Variants in SCGB1A1 observed in about 807,000 individuals in gnomAD.
SCGB1A1 encodes secretoglobin family 1A member 1.
A neutral mutation model predicts 7.5 loss-of-function variants in SCGB1A1; 8 were observed. The observed-to-expected ratio is 1.07, with a 90% CI of 0.63 to 1.92. The LOEUF (loss-of-function observed/expected upper bound fraction) is 1.92. Ranked by LOEUF, SCGB1A1 falls within the 30% of genes most tolerant of loss-of-function variation. The probability of loss-of-function intolerance (pLI) is 0.00; values close to 1 mark genes in which losing one functional copy is unlikely to be tolerated. For missense variants in SCGB1A1, 121 were observed against 112.7 expected, an observed-to-expected ratio of 1.07 and a Z score of -0.33; for synonymous variants, 44 against 40.8, an observed-to-expected ratio of 1.08 and a Z score of -0.30.
Position 62,423,131 on chromosome 11 carries a change from C to A in SCGB1A1, c.*40C>A. The A allele has an allele frequency of 1.2e-6, 2 of 1,603,788 alleles. No homozygotes were observed. Among genetic ancestry groups the A allele is most frequent in the South Asian group, 1.1e-5 (1 of 90,848 alleles). ...AGATCCCCAACTGCTCCAGCCTCTG[C>A]CGCTGCCATGCTTTGAGTCCACGCC... On this transcript the variant is annotated 3_prime_UTR_variant, in exon 3 of 3. Transcript: ENST00000278282.
At chr11:62,422,144 T>G (rs1345660405) in intron 1 of SCGB1A1, 77 bp from the exon 2 acceptor site, 25 of 1,294,914 alleles carry the variant, frequency 1.9e-5, no homozygotes, top group Non-Finnish European at 2.1e-5. Context: ...TGTTTGCATC[T>G]GGGCAGACCC....
At position 62,422,080 on chromosome 11, in the gene SCGB1A1, T is replaced by G. The variant is rs544090092; in HGVS notation, c.56-141T>G. 3.7e-5 allele frequency: 22 copies of G among 597,868 alleles called. No homozygotes were observed. The African/African-American group carries it at 3.9e-4, about 11-fold the overall frequency. The allele number at this position is 597,868 out of a possible 1,614,324, so 37.0% of individuals were successfully genotyped here. A position where few individuals can be genotyped will look rare whatever the true frequency, so the allele number is the denominator to read the frequency against. ...GGAAGACTCGGGCAATCCACAAATC[T>G]TACACTCTAGTCCATCGATGAAAAG... On this transcript the variant is annotated intron_variant, in intron 1 of 2. Coordinates refer to ENST00000278282, the MANE Select transcript of SCGB1A1 (RefSeq NM_003357.5).
chr11:62,419,910 A>T (rs1406025902), intron 1 of SCGB1A1, among the ~76,000 whole-genome samples: 16 of 152,208 alleles, frequency 1.1e-4, no homozygotes, highest in African/African-American at 7.2e-5. Context: ...ACTCTGCGTC[A>T]GCCTCTTCCA....
At chr11:62,419,276 C>A in intron 1 of SCGB1A1, 126 bp downstream of exon 1, 1 of 733,430 alleles carries the variant, frequency 1.4e-6, no homozygotes, top group Non-Finnish European at 1.9e-6. Context: ...CCTGGGCATG[C>A]TGAGTCTCAG....
At position 62,423,040 on chromosome 11, in the gene SCGB1A1, C is replaced by A. The variant is rs376718774; in HGVS notation, c.244-19C>A. Reference sequence around the variant, plus strand: ...ACTGTTGTATTGGGTTTTTCTGTTTCTTTGTCTATTTGTTTTAGGAAAAAA... The same window carrying A: ...ACTGTTGTATTGGGTTTTTCTGTTTATTTGTCTATTTGTTTTAGGAAAAAA... On this transcript the variant is annotated intron_variant, in intron 2 of 2. Coordinates refer to ENST00000278282, the MANE Select transcript of SCGB1A1 (RefSeq NM_003357.5). The A allele has an allele frequency of 4.3e-6, 7 of 1,612,562 alleles. No homozygotes were observed. Among genetic ancestry groups the A allele is most frequent in the Non-Finnish European group, 5.9e-6 (7 of 1,178,764 alleles).
rs775895107 is a variant in SCGB1A1 at position 62,422,370 on chromosome 11, CT to C, written c.206del (p.Leu69ProfsTer16). 1 of 1,613,920 alleles carries C rather than the reference CT, an allele frequency of 6.2e-7. No homozygotes were observed. The highest frequency in any genetic ancestry group is 1.1e-5 in the South Asian group (1 of 91,030). ...GAQLKKLVDT[L>X]PQKPRESIIK... ...TCAGCTGAAGAAGCTGGTGGACACC[CT>C]CCCCCAAAAGCCCAGAGAAAGCATC... On this transcript the variant is annotated frameshift_variant, in exon 2 of 3. Transcript: ENST00000278282. LOFTEE classifies it low-confidence loss of function (END_TRUNC).
At chr11:62,422,528 C>T in intron 2 of SCGB1A1, 120 bp downstream of exon 2, 1 of 761,332 alleles carries the variant, frequency 1.3e-6, no homozygotes, top group South Asian at 2.1e-5. Flanking sequence ...TGCCACTGTC[C>T]CCAGGCAGGC....
At position 62,419,081 on chromosome 11, in the gene SCGB1A1, TC is replaced by T; in HGVS notation, c.-10del. The T allele has an allele frequency of 1.3e-6, 2 of 1,581,642 alleles. No individual in the cohort carries two copies. Among genetic ancestry groups the T allele is most frequent in the Admixed American group, 1.7e-5 (1 of 57,686 alleles). On this transcript the variant is annotated 5_prime_UTR_variant, in exon 1 of 3. Coordinates refer to ENST00000278282, the MANE Select transcript of SCGB1A1 (RefSeq NM_003357.5). ...ACGGAACCAGAGACGGGCCAGAGCA[TC>T]CCCCTCCTCCACCATGAAACTCGCT...
At chr11:62,420,686 G>A (rs895144086) in intron 1 of SCGB1A1, among the ~76,000 whole-genome samples, 1 of 150,652 alleles carries the variant, frequency 6.6e-6, no homozygotes, top group Non-Finnish European at 1.5e-5. Context: ...TGTAATCCCA[G>A]CAATTTGGGA....
chr11:62,419,502 A>G (rs1346285450), intron 1 of SCGB1A1, among the ~76,000 whole-genome samples: 1 of 152,218 alleles, frequency 6.6e-6, no homozygotes, highest in Non-Finnish European at 1.5e-5. Flanking sequence ...ACAGACTCCA[A>G]GATGCTGAGA....
chr11:62,422,761 A>T (rs886942780), intron 2 of SCGB1A1, among the ~76,000 whole-genome samples: 15 of 151,908 alleles, frequency 9.9e-5, no homozygotes, highest in Admixed American at 9.8e-4. Context: ...TTTTGTAGAG[A>T]TGGGGTTTCA....
intron 2 of SCGB1A1, among the ~76,000 whole-genome samples, chr11:62,422,793 C>G (rs1268958079): frequency 1.3e-5 from 2 of 152,068 alleles, no homozygotes; most frequent in South Asian, 2.1e-4. Flanking sequence ...AGGCTGGTCT[C>G]GAACTCCTGA....
intron 2 of SCGB1A1, among the ~76,000 whole-genome samples, chr11:62,422,732 G>A (rs1937832520): frequency 6.6e-6 from 1 of 152,048 alleles, no homozygotes; most frequent in African/African-American, 2.4e-5. Flanking sequence ...CCACCATCAT[G>A]CCGAGCTAAT....
chr11:62,421,573 G>A (rs1171188978), intron 1 of SCGB1A1, among the ~76,000 whole-genome samples: 5 of 151,788 alleles, frequency 3.3e-5, no homozygotes. Context: ...GTGCAGTGAC[G>A]AGATCTCAGC....
At chr11:62,423,032 TTC>T (rs749650600) in intron 2 of SCGB1A1, 25 bp from the exon 3 acceptor site, 4 of 1,610,824 alleles carry the variant, frequency 2.5e-6, no homozygotes, top group Non-Finnish European at 3.4e-6. Flanking sequence ...TATTGGGTTT[TTC>T]TGTTTCTTTG....
At position 62,422,237 on chromosome 11, in the gene SCGB1A1, C is replaced by A. The variant is rs765904587; in HGVS notation, c.72C>A (p.Cys24Ter). ...GTGTTGCAGCTTCTGCAGAGATCTGCCCGAGCTTTCAGCGTGTCATCGAAA... is the reference window on the plus strand; with the variant it reads ...GTGTTGCAGCTTCTGCAGAGATCTGACCGAGCTTTCAGCGTGTCATCGAAA... Reference protein sequence around the residue: ...LCCSSASAEICPSFQRVIETL... With the variant: ...LCCSSASAEI Residue 24 changes from cysteine to a stop codon, truncating the protein, a stop_gained, in exon 2 of 3, where the codon TGC becomes TGA. Transcript: ENST00000278282. LOFTEE classifies it high-confidence loss of function. 9.3e-6 allele frequency: 15 copies of A among 1,612,132 alleles called. No homozygotes were observed. In the African/African-American group the frequency reaches 1.1e-4, roughly 11 times the overall value.
At chr11:62,419,389 A>G (rs1937722843) in intron 1 of SCGB1A1, among the ~76,000 whole-genome samples, 1 of 152,252 alleles carries the variant, frequency 6.6e-6, no homozygotes, top group South Asian at 2.1e-4. Context: ...AACAACCCTC[A>G]GAATCCCAGG....
rs935547435 is a variant in SCGB1A1, at chr11:62,419,098, GAA to G, written c.5_6del (p.Lys2ThrfsTer41). The G allele has an allele frequency of 6.3e-7, 1 of 1,584,424 alleles. No individual in the cohort carries two copies. The highest frequency in any genetic ancestry group is 1.4e-5 in the African/African-American group (1 of 73,914). On this transcript the variant is annotated frameshift_variant, in exon 1 of 3. Transcript: ENST00000278282. LOFTEE classifies it high-confidence loss of function. ...CCAGAGCATCCCCCTCCTCCACCATGAAACTCGCTGTCACCCTCACCCTGGTC... is the reference window on the plus strand; with the variant it reads ...CCAGAGCATCCCCCTCCTCCACCATGACTCGCTGTCACCCTCACCCTGGTC... M[K>X]LAVTLTLVTL...
intron 1 of SCGB1A1, 61 bp downstream of exon 1, chr11:62,419,211 T>C: frequency 6.2e-6 from 8 of 1,298,402 alleles, no homozygotes; most frequent in Non-Finnish European, 8.1e-6. Flanking sequence ...ACCCCCCAGT[T>C]CTGCTCAGAA....
Sources: allele counts gnomAD v4.1 joint callset (sites outside exome capture counted in the v4.1 genomes callset), GRCh38; gene constraint gnomAD v4.1.1; transcripts MANE v1.5; gene names NCBI Gene and HGNC (gene_info 2026-07-23, HGNC 2026-07-21).